Variants in ZMYM2 observed in about 807,000 individuals in gnomAD.
ZMYM2 encodes the protein zinc finger MYM-type protein 2.
Under a neutral mutation model 162.8 loss-of-function variants are expected in ZMYM2, and 56 were observed. The ratio of observed to expected loss-of-function variants is 0.34; its 90% CI spans 0.28 to 0.43. The LOEUF (loss-of-function observed/expected upper bound fraction) is 0.43, where lower values mean the gene tolerates loss of function less well. Ranked by LOEUF, ZMYM2 falls within the 20% of genes least tolerant of loss-of-function variation. ZMYM2 has a pLI of 1.00. For missense variants in ZMYM2, 1,275 were observed against 1,621.8 expected (o/e 0.79, Z 3.67); for synonymous variants, 510 against 541.6 (o/e 0.94, Z 0.81).
chr13:19,948,277 T>A, the ZMYM2 span, among the ~76,000 whole-genome samples: 1 of 152,202 alleles, frequency 6.6e-6, no homozygotes, highest in Admixed American at 6.5e-5. Flanking sequence ...AAAAGTTATG[T>A]CCACACAAAA....
At chr13:19,914,669 T>C in the ZMYM2 span, among the ~76,000 whole-genome samples, 4 of 152,218 alleles carry the variant, frequency 2.6e-5, no homozygotes, top group Non-Finnish European at 4.4e-5. Context: ...TGCATTTACG[T>C]AGTGTCTTAT....
At position 20,052,307 on chromosome 13, in the gene ZMYM2, T is replaced by A; in HGVS notation, c.2489T>A (p.Met830Lys). The A allele has an allele frequency of 6.4e-7, 1 of 1,571,246 alleles. No homozygotes were observed. Among genetic ancestry groups the A allele is most frequent in the Non-Finnish European group, 8.6e-7 (1 of 1,157,242 alleles). Residue 830 changes from methionine (M) to lysine (K), a missense_variant, in exon 14 of 25, where the codon ATG becomes AAG. Coordinates refer to ENST00000610343, the MANE Select transcript of ZMYM2 (RefSeq NM_197968.4). ...DQGCQTSRTK[M>K]TGSAPPPSPT... The stretch of plus-strand genomic sequence containing the variant: ...GGTTGTCAGACATCTCGAACCAAAA[T>A]GACAGTAAGTATTGGTGAAATGGAG...
At chr13:20,037,013 C>T in intron 12 of ZMYM2, 104 bp downstream of exon 12, 1 of 1,087,664 alleles carries the variant, frequency 9.2e-7, no homozygotes, top group Non-Finnish European at 1.3e-6. Flanking sequence ...AAAATGTACA[C>T]ACTTAAGGCC....
intron 7 of ZMYM2, among the ~76,000 whole-genome samples, chr13:20,021,094 G>T (rs112754306): frequency 6.6e-6 from 1 of 151,606 alleles, no homozygotes; most frequent in Non-Finnish European, 1.5e-5. Context: ...TCCTGCCTCA[G>T]CCTCCCTAGT....
intron 2 of ZMYM2, among the ~76,000 whole-genome samples, chr13:19,980,021 T>A (rs533620992): frequency 4.5e-4 from 69 of 152,308 alleles, no homozygotes; most frequent in Admixed American, 1.5e-3. Context: ...CTGTTTTTTT[T>A]ATGTCAGATT....
intron 7 of ZMYM2, chr13:20,025,222 A>G (rs973665870): frequency 5.0e-6 from 1 of 199,172 alleles, no homozygotes; most frequent in Non-Finnish European, 1.0e-5. Flanking sequence ...TTCATATTGT[A>G]TAGATGCTCG....
chr13:20,035,144 G>A (rs1024760348), intron 11 of ZMYM2, among the ~76,000 whole-genome samples: 3 of 152,160 alleles, frequency 2.0e-5, no homozygotes, highest in African/African-American at 7.2e-5. Context: ...ATTTTTTAAT[G>A]AGGAATATTT....
Position 20,000,343 on chromosome 13 carries a change from G to A in ZMYM2, c.848-2507G>A, listed in dbSNP as rs1566261321. Among the ~76,000 whole-genome samples, 6 of 152,216 alleles carry A rather than the reference G, an allele frequency of 3.9e-5. No individual in the cohort carries two copies. The South Asian group carries it at 1.2e-3, about 32-fold the overall frequency. ...AAACGTGCAAGGTGAAGCTGCAAGTGCTGACGTAGAAGTTGTAGCAAGTTC... is the reference window on the plus strand; with the variant it reads ...AAACGTGCAAGGTGAAGCTGCAAGTACTGACGTAGAAGTTGTAGCAAGTTC... On this transcript the variant is annotated intron_variant, in intron 3 of 24. Transcript: ENST00000610343.
intron 12 of ZMYM2, among the ~76,000 whole-genome samples, chr13:20,046,607 GTATATATATGTGTATATATA>G (rs1244409873): frequency 6.4e-4 from 67 of 104,364 alleles, no homozygotes; most frequent in Non-Finnish European, 1.0e-3. Context: ...GTGTGTGTGT[GTATATATATGTGTATATATA>G]TGTGTATATA....
At chr13:19,925,719 A>G in the ZMYM2 span, among the ~76,000 whole-genome samples, 1 of 151,750 alleles carries the variant, frequency 6.6e-6, no homozygotes, top group Non-Finnish European at 1.5e-5. Context: ...CTAAAATACA[A>G]AAATTAGCTG....
chr13:19,890,266 A>C, the ZMYM2 span, among the ~76,000 whole-genome samples: 1 of 151,720 alleles, frequency 6.6e-6, no homozygotes, highest in Non-Finnish European at 1.5e-5. Flanking sequence ...TCCCAGGCTC[A>C]AGTGATCCTC....
chr13:19,993,724 A>G lies in ZMYM2; in HGVS notation c.652A>G (p.Thr218Ala). 1 of 1,614,042 alleles carries G rather than the reference A, an allele frequency of 6.2e-7. No individual in the cohort carries two copies. The highest frequency in any genetic ancestry group is 8.5e-7 in the Non-Finnish European group (1 of 1,179,898). Residue 218 changes from threonine to alanine, a missense_variant, in exon 3 of 25, where the codon ACA becomes GCA. This residue lies in a region of ZMYM2 where 295 missense variants were observed against 286.7 expected (regional missense o/e 1.03). Transcript: ENST00000610343. ...TATGAACTTAATGATTACACATGTA[A>G]CATCACTGCAGAATACCAACTTGGG... is the stretch of plus-strand genomic sequence containing the variant. The part of the protein sequence containing the change: ...RDMNLMITHV[T>A]SLQNTNLGDV...
chr13:20,035,890 T>C (rs983932034), intron 11 of ZMYM2, among the ~76,000 whole-genome samples: 2 of 152,162 alleles, frequency 1.3e-5, no homozygotes, highest in African/African-American at 4.8e-5. Context: ...TATTTTAAAA[T>C]ATAGTTCAAG....
At position 20,088,479 on chromosome 13, in the gene ZMYM2, TA is replaced by T; in HGVS notation, c.*2469del. On this transcript the variant is annotated 3_prime_UTR_variant, in exon 25 of 25. Coordinates refer to ENST00000610343, the MANE Select transcript of ZMYM2 (RefSeq NM_197968.4). ...TCTGTTTTCTGAAGATTTTGCCATT[TA>T]AAATGATCCAGTGAAAAATATTTAT... The T allele has an allele frequency of 5.0e-6, 1 of 200,384 alleles. No homozygotes were observed. 12.4% of individuals were successfully genotyped at this position (200,384 alleles called of 1,614,324 possible).
In ZMYM2 at chr13:20,067,007, G is replaced by A; in HGVS notation, c.3289G>A (p.Glu1097Lys). The A allele has an allele frequency of 6.2e-7, 1 of 1,604,656 alleles. No individual in the cohort carries two copies. Among genetic ancestry groups the A allele is most frequent in the Non-Finnish European group, 8.5e-7 (1 of 1,176,736 alleles). The change falls in exon 20 of 25, where the codon GAG becomes AAG. Residue 1097 changes from glutamate (E) to lysine (K), a missense_variant. Transcript: ENST00000610343. Reference sequence around the variant, plus strand: ...TGATGAAGATCTTCTGGTATTAGATGAGTTAAAATCTTGTAAGTGTTTTAA... The same window carrying A: ...TGATGAAGATCTTCTGGTATTAGATAAGTTAAAATCTTGTAAGTGTTTTAA... ...QLDEDLLVLD[E>K]LKSSKSVKLK...
intron 2 of ZMYM2, among the ~76,000 whole-genome samples, chr13:19,980,494 A>T (rs953265505): frequency 1.3e-5 from 2 of 151,972 alleles, no homozygotes; most frequent in African/African-American, 2.4e-5. Flanking sequence ...GCTCACGCTT[A>T]CAATCCCAGC....
chr13:19,947,358 C>T, the ZMYM2 span, among the ~76,000 whole-genome samples: 5 of 152,136 alleles, frequency 3.3e-5, no homozygotes, highest in Admixed American at 3.3e-4. Context: ...CCACGCCCAG[C>T]CCAATGTTTT....
At chr13:19,884,773 A>C in the ZMYM2 span, among the ~76,000 whole-genome samples, 14 of 152,182 alleles carry the variant, frequency 9.2e-5, no homozygotes, top group Admixed American at 2.6e-4. Context: ...CATAGTGCCG[A>C]CGCCCCCAAG....
the ZMYM2 span, among the ~76,000 whole-genome samples, chr13:19,893,014 G>A: frequency 6.6e-6 from 1 of 151,540 alleles, no homozygotes; most frequent in Non-Finnish European, 1.5e-5. Context: ...TGCCTGGCCG[G>A]GAGTTATTTT....
Sources: gnomAD v4.1 joint callset for allele counts (sites outside exome capture counted in the v4.1 genomes callset) on GRCh38, gnomAD v4.1.1 for gene constraint, gnomAD v4.1.1 regional missense constraint, MANE v1.5 for transcripts, NCBI Gene and HGNC (gene_info 2026-07-23, HGNC 2026-07-21) for gene names.